PBX1: variants seen among roughly 807,000 people sequenced by gnomAD.
The protein encoded by PBX1 is PBX homeobox 1.
PBX1 carries 6 observed loss-of-function variants against 53.4 expected under a neutral mutation model. The observed-to-expected ratio is 0.11, with a 90% CI of 0.06 to 0.22. PBX1 has a LOEUF of 0.22. PBX1 is among the 10% of genes least tolerant of loss of function. The probability of loss-of-function intolerance (pLI) is 1.00; values close to 1 mark genes in which losing one functional copy is unlikely to be tolerated. For missense variants in PBX1, 251 were observed against 551.4 expected, an observed-to-expected ratio of 0.46 and a Z score of 5.46; for synonymous variants, 204 against 212.3, an observed-to-expected ratio of 0.96 and a Z score of 0.34.
chr1:164,797,190 G>T (rs1668831045), intron 3 of PBX1, among the ~76,000 whole-genome samples: 1 of 152,184 alleles, frequency 6.6e-6, no homozygotes, highest in Non-Finnish European at 1.5e-5. Flanking sequence ...ATCAGATATT[G>T]TGAATATTTT....
chr1:164,663,498 C>G (rs1464566276), intron 2 of PBX1, among the ~76,000 whole-genome samples: 1 of 152,220 alleles, frequency 6.6e-6, no homozygotes, highest in East Asian at 1.9e-4. Context: ...GCTTTGGGCT[C>G]TGGCCCATAG....
At chr1:164,837,264 G>A (rs140028175) in intron 8 of PBX1, among the ~76,000 whole-genome samples, 1,603 of 152,206 alleles carry the variant, frequency 0.011, 15 homozygotes, top group Middle Eastern at 0.02. Flanking sequence ...AAAATCAAAG[G>A]TTATAAAAAT....
intron 8 of PBX1, among the ~76,000 whole-genome samples, chr1:164,832,973 T>A (rs1353058479): frequency 6.6e-6 from 1 of 151,884 alleles, no homozygotes; most frequent in Non-Finnish European, 1.5e-5. Flanking sequence ...TAAAGAACAA[T>A]TAAAAAACAA....
rs1185257222 is a variant in PBX1 at position 164,626,035 on chromosome 1, G to A, written c.265+62724G>A. On this transcript the variant is annotated intron_variant, in intron 2 of 8. Coordinates refer to ENST00000420696, the MANE Select transcript of PBX1 (RefSeq NM_002585.4). ...TACTCTCCTCTGCTTCTACCTCCGG[G>A]AACCCCGTTACCCCCCAGCCCACAC... is the stretch of plus-strand genomic sequence containing the variant. The A allele has an allele frequency of 1.5e-5, 16 of 1,041,492 alleles. No homozygotes were observed. The Admixed American group carries it at 1.7e-4, about 11-fold the overall frequency. 64.5% of individuals were successfully genotyped at this position (1,041,492 alleles called of 1,614,324 possible).
chr1:164,576,316 C>T (rs1460532984), intron 2 of PBX1, among the ~76,000 whole-genome samples: 2 of 152,182 alleles, frequency 1.3e-5, no homozygotes, highest in Non-Finnish European at 2.9e-5. Context: ...CGAACCCCCT[C>T]GCAAATCTGT....
intron 2 of PBX1, among the ~76,000 whole-genome samples, chr1:164,724,874 G>A (rs1321227662): frequency 2.6e-5 from 4 of 151,858 alleles, no homozygotes; most frequent in Non-Finnish European, 5.9e-5. Flanking sequence ...GAGAGGCAGT[G>A]TAACATCCAG....
chr1:164,689,972 C>T (rs1662365197), intron 2 of PBX1, among the ~76,000 whole-genome samples: 1 of 152,146 alleles, frequency 6.6e-6, no homozygotes, highest in Non-Finnish European at 1.5e-5. Flanking sequence ...TGGCTTATGG[C>T]AAACTGCCTT....
chr1:164,741,476 T>G, intron 2 of PBX1, among the ~76,000 whole-genome samples: 1 of 152,238 alleles, frequency 6.6e-6, no homozygotes, highest in East Asian at 1.9e-4. Context: ...AATGGTATAC[T>G]AGGTCATATG....
chr1:164,741,785 T>G (rs973533114), intron 2 of PBX1, among the ~76,000 whole-genome samples: 41 of 147,430 alleles, frequency 2.8e-4, no homozygotes, highest in Non-Finnish European at 5.7e-4. Flanking sequence ...TTGCTTGATT[T>G]ATAAACCACT....
At chr1:164,588,849 C>G (rs1203590749) in intron 2 of PBX1, among the ~76,000 whole-genome samples, 1 of 152,118 alleles carries the variant, frequency 6.6e-6, no homozygotes, top group Non-Finnish European at 1.5e-5. Context: ...ACCATGCCCT[C>G]CTTTTCCTAA....
chr1:164,592,136 A>AGG (rs1655430603), intron 2 of PBX1, among the ~76,000 whole-genome samples: 1 of 152,018 alleles, frequency 6.6e-6, no homozygotes, highest in African/African-American at 2.4e-5. Flanking sequence ...GGAGGTGGGG[A>AGG]GGAGGGCCTT....
chr1:164,691,666 G>C (rs1248283037), intron 2 of PBX1, among the ~76,000 whole-genome samples: 2 of 152,172 alleles, frequency 1.3e-5, no homozygotes, highest in Non-Finnish European at 2.9e-5. Context: ...TCAAGCGCTG[G>C]TAGAAAGGCT....
intron 2 of PBX1, among the ~76,000 whole-genome samples, chr1:164,602,559 C>T (rs1038673323): frequency 2.0e-5 from 3 of 152,158 alleles, no homozygotes; most frequent in Non-Finnish European, 4.4e-5. Flanking sequence ...CACCCACAGA[C>T]TCATACAGCC....
At chr1:164,610,670 A>T (rs533905765) in intron 2 of PBX1, among the ~76,000 whole-genome samples, 2 of 152,266 alleles carry the variant, frequency 1.3e-5, no homozygotes, top group East Asian at 3.9e-4. Flanking sequence ...CTGGTTCACC[A>T]AGGACCTTAG....
intron 2 of PBX1, among the ~76,000 whole-genome samples, chr1:164,650,314 C>T (rs1191850062): frequency 4.6e-5 from 7 of 151,796 alleles, no homozygotes; most frequent in Admixed American, 1.3e-4. Context: ...CTGCAGCCTC[C>T]GCCTCCCAGG....
intron 2 of PBX1, among the ~76,000 whole-genome samples, chr1:164,782,973 AT>A (rs886224369): frequency 6.6e-6 from 1 of 152,250 alleles, no homozygotes; most frequent in Non-Finnish European, 1.5e-5. Flanking sequence ...TAATTTATTT[AT>A]TTTTTAATGG....
In PBX1 at chr1:164,745,134, G is replaced by A. The variant is rs79558922; in HGVS notation, c.266-47360G>A. 2.8e-4 allele frequency among the ~76,000 whole-genome samples: 43 copies of A among 152,054 alleles called. No individual in the cohort carries two copies. In the East Asian group the frequency reaches 7.8e-3, roughly 27 times the overall value. ...GATATTAAAATCCATATTTTTTTCC[G>A]CTATGCCACATTGCCTCTCCAAGGA... is the stretch of plus-strand genomic sequence containing the variant. On this transcript the variant is annotated intron_variant, in intron 2 of 8. Coordinates refer to ENST00000420696, the MANE Select transcript of PBX1 (RefSeq NM_002585.4).
chr1:164,600,600 A>T (rs1342296857), intron 2 of PBX1, among the ~76,000 whole-genome samples: 1 of 152,184 alleles, frequency 6.6e-6, no homozygotes, highest in African/African-American at 2.4e-5. Flanking sequence ...TTGCCACAAA[A>T]GGCAAACAGA....
At chr1:164,686,617 G>A (rs1395077880) in intron 2 of PBX1, among the ~76,000 whole-genome samples, 1 of 152,180 alleles carries the variant, frequency 6.6e-6, no homozygotes, top group Non-Finnish European at 1.5e-5. Context: ...GTGAATCAAT[G>A]GGAGACACAA....
Sources: gnomAD v4.1 joint callset for allele counts (sites outside exome capture counted in the v4.1 genomes callset) on GRCh38, gnomAD v4.1.1 for gene constraint, MANE v1.5 for transcripts, NCBI Gene and HGNC (gene_info 2026-07-23, HGNC 2026-07-21) for gene names.